Variants in RSU1 observed in about 807,000 individuals in gnomAD.
The protein encoded by RSU1 is rsu-1.
Under a neutral mutation model 31.1 loss-of-function variants are expected in RSU1, and 26 were observed. That is an observed-to-expected ratio of 0.84 (90% CI 0.61 to 1.16). RSU1 has a LOEUF of 1.16. RSU1 is among the 50% of genes most tolerant of loss of function. The pLI is 0.00. For missense variants in RSU1, 320 were observed against 339.1 expected (o/e 0.94, Z 0.44); for synonymous variants, 164 against 136.3 (o/e 1.20, Z -1.41).
intron 8 of RSU1, among the ~76,000 whole-genome samples, chr10:16,679,429 A>T (rs1265841688): frequency 6.6e-6 from 1 of 152,212 alleles, no homozygotes; most frequent in African/African-American, 2.4e-5. Context: ...AAGAAGTGAT[A>T]GCCACTGTTA....
intron 8 of RSU1, among the ~76,000 whole-genome samples, chr10:16,675,425 T>C (rs1397005991): frequency 1.3e-5 from 2 of 152,162 alleles, no homozygotes; most frequent in Admixed American, 6.5e-5. Context: ...TTTTTCTTTT[T>C]TAAAGTATAA....
intron 8 of RSU1, among the ~76,000 whole-genome samples, chr10:16,644,755 G>A (rs1242453277): frequency 1.3e-5 from 2 of 152,204 alleles, no homozygotes; most frequent in African/African-American, 2.4e-5. Context: ...GAGGAAGTAA[G>A]AGTGAACATT....
intron 8 of RSU1, among the ~76,000 whole-genome samples, chr10:16,626,565 G>A (rs1396165899): frequency 2.0e-5 from 3 of 152,292 alleles, no homozygotes; most frequent in South Asian, 2.1e-4. Context: ...GCACTGGGGA[G>A]GATGGAACAG....
chr10:16,679,049 C>T (rs111824777), intron 8 of RSU1, among the ~76,000 whole-genome samples: 85 of 152,022 alleles, frequency 5.6e-4, no homozygotes, highest in Non-Finnish European at 6.2e-4. Flanking sequence ...ATAAAAATAA[C>T]GAAGCACCAT....
chr10:16,707,690 TC>T (rs2131577476), intron 7 of RSU1, among the ~76,000 whole-genome samples: 1 of 152,234 alleles, frequency 6.6e-6, no homozygotes, highest in African/African-American at 2.4e-5. Context: ...GTCAATAGCT[TC>T]CTTTGCTGTG....
At chr10:16,736,705 G>C (rs919225545) in intron 7 of RSU1, among the ~76,000 whole-genome samples, 1 of 151,614 alleles carries the variant, frequency 6.6e-6, no homozygotes, top group African/African-American at 2.4e-5. Context: ...ACAAACAAAA[G>C]AAAAATCCAT....
intron 4 of RSU1, among the ~76,000 whole-genome samples, chr10:16,760,284 T>G (rs1274872199): frequency 1.3e-5 from 2 of 151,946 alleles, no homozygotes; most frequent in African/African-American, 2.4e-5. Flanking sequence ...CCGAGGCAGG[T>G]GGATCACCTG....
At chr10:16,800,962 C>CAA (rs772645083) in intron 2 of RSU1, among the ~76,000 whole-genome samples, 13,586 of 140,786 alleles carry the variant, frequency 0.097, 1,615 homozygotes, top group African/African-American at 0.28. Context: ...GAGCAGAAGA[C>CAA]AAAAAAAAAA....
At chr10:16,617,404 T>C (rs923688681) in intron 8 of RSU1, among the ~76,000 whole-genome samples, 1 of 152,152 alleles carries the variant, frequency 6.6e-6, no homozygotes, top group African/African-American at 2.4e-5. Context: ...AAAATGGCCA[T>C]ACTGCCCAAA....
At chr10:16,715,076 G>T (rs551559917) in intron 7 of RSU1, among the ~76,000 whole-genome samples, 1 of 152,232 alleles carries the variant, frequency 6.6e-6, no homozygotes, top group Non-Finnish European at 1.5e-5. Context: ...TCGCTCACCT[G>T]TCCATGGTGC....
chr10:16,727,961 A>G (rs1291401531), intron 7 of RSU1, among the ~76,000 whole-genome samples: 1 of 152,192 alleles, frequency 6.6e-6, no homozygotes, highest in Non-Finnish European at 1.5e-5. Flanking sequence ...AGAAAAACTA[A>G]AAACTGGACT....
chr10:16,656,610 C>T (rs1407636128), intron 8 of RSU1, among the ~76,000 whole-genome samples: 1 of 152,232 alleles, frequency 6.6e-6, no homozygotes, highest in Non-Finnish European at 1.5e-5. Flanking sequence ...GTTAGCTTCG[C>T]TATTCCTTTC....
At chr10:16,789,945 A>G (rs1837877555) in intron 2 of RSU1, among the ~76,000 whole-genome samples, 1 of 152,246 alleles carries the variant, frequency 6.6e-6, no homozygotes. Context: ...TGCCTTGGTT[A>G]TCATTCTACT....
intron 8 of RSU1, among the ~76,000 whole-genome samples, chr10:16,631,589 T>G (rs1834250138): frequency 6.6e-6 from 1 of 152,246 alleles, no homozygotes. Flanking sequence ...ATTTAAGTTT[T>G]GCCATTTTCA....
intron 8 of RSU1, among the ~76,000 whole-genome samples, chr10:16,598,876 T>A (rs1833666451): frequency 6.6e-6 from 1 of 152,152 alleles, no homozygotes; most frequent in Admixed American, 6.5e-5. Context: ...GGCCTGTCCG[T>A]GAGGATTCTG....
At chr10:16,664,404 T>G (rs965174270) in intron 8 of RSU1, among the ~76,000 whole-genome samples, 3 of 152,212 alleles carry the variant, frequency 2.0e-5, no homozygotes, top group Non-Finnish European at 4.4e-5. Context: ...TAAAAGTCAC[T>G]AGGACACCAA....
intron 3 of RSU1, among the ~76,000 whole-genome samples, chr10:16,778,673 G>C (rs546826048): frequency 1.3e-5 from 2 of 152,318 alleles, no homozygotes; most frequent in Non-Finnish European, 2.9e-5. Flanking sequence ...GGGGAGGATG[G>C]GGAGAGGCTG....
chr10:16,648,132 A>ATTTTTTTTTTTT (rs1554763091), intron 8 of RSU1, among the ~76,000 whole-genome samples: 2 of 133,546 alleles, frequency 1.5e-5, no homozygotes, highest in South Asian at 2.2e-4. Context: ...AAAAAAAAAA[A>ATTTTTTTTTTTT]TTTTTTTTTT....
At chr10:16,680,943 C>T (rs911400732) in intron 8 of RSU1, among the ~76,000 whole-genome samples, 11 of 152,252 alleles carry the variant, frequency 7.2e-5, no homozygotes, top group Admixed American at 4.6e-4. Flanking sequence ...TAATAAAATC[C>T]AGAAGAAAAT....
Sources: allele counts gnomAD v4.1 joint callset (sites outside exome capture counted in the v4.1 genomes callset), GRCh38; gene constraint gnomAD v4.1.1; transcripts MANE v1.5; gene names NCBI Gene and HGNC (gene_info 2026-07-23, HGNC 2026-07-21).